The following PITPNA variants were observed in gnomAD, a reference collection of about 807,000 sequenced individuals.
The protein encoded by PITPNA is phosphatidylinositol transfer protein alpha, also known as phosphatidylinositol transfer protein alpha isoform.
In PITPNA, 13 loss-of-function variants were observed where a neutral mutation model predicts 50.3. The observed-to-expected ratio is 0.26, with a 90% CI of 0.17 to 0.41. The LOEUF (loss-of-function observed/expected upper bound fraction) is 0.41. Among genes scored for constraint, PITPNA ranks in the 10% least tolerant of loss-of-function variants. The pLI is 1.00. For missense variants in PITPNA, 207 were observed against 333.4 expected (o/e 0.62, Z 2.95); for synonymous variants, 120 against 119.6 (o/e 1.00, Z -0.02).
At chr17:1,545,760 G>A (rs187440533) in intron 4 of PITPNA, among the ~76,000 whole-genome samples, 208 of 152,012 alleles carry the variant, frequency 1.4e-3, no homozygotes, top group African/African-American at 4.8e-3. Context: ...CAGAGAACAG[G>A]GGCATCTCTC....
intron 5 of PITPNA, among the ~76,000 whole-genome samples, chr17:1,541,923 G>A (rs1266689855): frequency 6.6e-6 from 1 of 152,202 alleles, no homozygotes; most frequent in Non-Finnish European, 1.5e-5. Flanking sequence ...GATCGGGCCA[G>A]GCATGGTGGC....
At chr17:1,551,695 C>T (rs2075710200) in intron 3 of PITPNA, among the ~76,000 whole-genome samples, 1 of 152,242 alleles carries the variant, frequency 6.6e-6, no homozygotes, top group African/African-American at 2.4e-5. Context: ...AAAATACCAA[C>T]TTCACCATCT....
chr17:1,541,449 C>A, intron 6 of PITPNA, 117 bp downstream of exon 6: 1 of 758,192 alleles, frequency 1.3e-6, no homozygotes. Flanking sequence ...GCAGAGGCCA[C>A]TGCCTTCCCG....
chr17:1,548,296 C>T lies in PITPNA; in HGVS notation c.289G>A (p.Val97Ile), dbSNP rs2151011316. Residue 97 changes from valine (V) to isoleucine (I), a missense_variant and splice_region_variant, in exon 4 of 12, where the codon GTT becomes ATT. Coordinates refer to ENST00000313486, the MANE Select transcript of PITPNA (RefSeq NM_006224.4). ...AWNAYPYCRT[V>I]ITNEYMKEDF... ...CCGACGTGGCCCCGGCTGCACTCAC[C>T]GGTTCTGCAGTAGGGGTAAGCATTC... The T allele has an allele frequency of 1.9e-6, 3 of 1,601,246 alleles. No individual in the cohort carries two copies. Among genetic ancestry groups the T allele is most frequent in the Non-Finnish European group, 2.6e-6 (3 of 1,172,804 alleles).
chr17:1,518,812 G>A lies in PITPNA; in HGVS notation c.*1749C>T, dbSNP rs918993833. ...ATGAATAGCTAACACAGAGCTTATA[G>A]GAAAACACTGACATTTTTCTCCAGT... is the stretch of plus-strand genomic sequence containing the variant. On this transcript the variant is annotated 3_prime_UTR_variant, in exon 12 of 12. Coordinates refer to ENST00000313486, the MANE Select transcript of PITPNA (RefSeq NM_006224.4). The A allele has an allele frequency of 4.6e-5, 7 of 152,228 alleles. No individual in the cohort carries two copies. Among genetic ancestry groups the A allele is most frequent in the Non-Finnish European group, 7.3e-5 (5 of 68,034 alleles). The allele number at this position is 152,228 out of a possible 1,614,324, so 9.4% of individuals were successfully genotyped here. A position where few individuals can be genotyped will look rare whatever the true frequency, so the allele number is the denominator to read the frequency against.
At chr17:1,527,545 GTTTGTT>G (rs1044031422) in intron 10 of PITPNA, among the ~76,000 whole-genome samples, 2 of 152,050 alleles carry the variant, frequency 1.3e-5, no homozygotes, top group Admixed American at 6.5e-5. Flanking sequence ...CCCAGCCCTG[GTTTGTT>G]TTTGTTTTTA....
chr17:1,534,336 A>T, intron 9 of PITPNA, 115 bp from the exon 10 acceptor site: 1 of 1,303,998 alleles, frequency 7.7e-7, no homozygotes, highest in Non-Finnish European at 1.1e-6. Flanking sequence ...GGCGGACAGG[A>T]GGAGGAGTAA....
At chr17:1,560,172 A>T (rs2075760728) in intron 1 of PITPNA, among the ~76,000 whole-genome samples, 1 of 152,198 alleles carries the variant, frequency 6.6e-6, no homozygotes, top group Non-Finnish European at 1.5e-5. Flanking sequence ...TCCTGACGGG[A>T]TGCGCTGAGG....
At chr17:1,540,690 G>A (rs1310166697) in intron 6 of PITPNA, among the ~76,000 whole-genome samples, 1 of 151,424 alleles carries the variant, frequency 6.6e-6, no homozygotes, top group Admixed American at 6.6e-5. Context: ...CCGGGTTCAC[G>A]CCATTCTCCT....
chr17:1,552,927 T>G, intron 3 of PITPNA, 77 bp downstream of exon 3: 1 of 1,443,934 alleles, frequency 6.9e-7, no homozygotes, highest in South Asian at 1.2e-5. Context: ...CCCATCTATA[T>G]AAAACAATAA....
rs1013569497 is a variant in PITPNA at position 1,519,034 on chromosome 17, C to A, written c.*1527G>T. 3 of 152,232 alleles carry A rather than the reference C, an allele frequency of 2.0e-5. No homozygotes were observed. Among genetic ancestry groups the A allele is most frequent in the African/African-American group, 7.2e-5 (3 of 41,446 alleles). The allele number at this position is 152,232 out of a possible 1,614,324, so 9.4% of individuals were successfully genotyped here. ...TGCTGGGGGTCTGAGTCTGTCCACCCTTGCCCCAGGAGGGCCACAGGGAAG... is the reference window on the plus strand; with the variant it reads ...TGCTGGGGGTCTGAGTCTGTCCACCATTGCCCCAGGAGGGCCACAGGGAAG... On this transcript the variant is annotated 3_prime_UTR_variant, in exon 12 of 12. Transcript: ENST00000313486.
intron 7 of PITPNA, 38 bp from the exon 8 acceptor site, chr17:1,535,556 GGAGAGGGAGTGA>G: frequency 1.5e-6 from 2 of 1,314,014 alleles, no homozygotes; most frequent in African/African-American, 1.4e-5. Context: ...GAGGGGAGTG[GGAGAGGGAGTGA>G]GAGATGGGGA....
intron 10 of PITPNA, among the ~76,000 whole-genome samples, chr17:1,521,861 T>C (rs1337751470): frequency 6.6e-6 from 1 of 150,420 alleles, no homozygotes; most frequent in Non-Finnish European, 1.5e-5. Context: ...CGTGTCACGG[T>C]GTTTGAAGCA....
At chr17:1,549,954 C>T (rs56142514) in intron 3 of PITPNA, among the ~76,000 whole-genome samples, 22,733 of 152,166 alleles carry the variant, frequency 0.15, 2,153 homozygotes, top group South Asian at 0.3. Flanking sequence ...GGATTACAGG[C>T]GTGAGCCACC....
chr17:1,551,129 C>T (rs1003274942), intron 3 of PITPNA, among the ~76,000 whole-genome samples: 2 of 151,554 alleles, frequency 1.3e-5, no homozygotes, highest in Admixed American at 1.3e-4. Flanking sequence ...GCGGAGTCAG[C>T]GGGGCCTGAT....
chr17:1,538,834 C>G, intron 7 of PITPNA, 35 bp downstream of exon 7: 1 of 1,401,924 alleles, frequency 7.1e-7, no homozygotes. Flanking sequence ...ATTTCTGCGT[C>G]TCGAAGGCCA....
intron 10 of PITPNA, among the ~76,000 whole-genome samples, chr17:1,531,063 G>C (rs1018062016): frequency 1.3e-5 from 2 of 152,192 alleles, no homozygotes; most frequent in South Asian, 2.1e-4. Flanking sequence ...CAAAAGCCAG[G>C]AGGTTCACTC....
At chr17:1,536,488 A>C (rs901100801) in intron 7 of PITPNA, among the ~76,000 whole-genome samples, 5 of 152,044 alleles carry the variant, frequency 3.3e-5, no homozygotes, top group East Asian at 3.9e-4. Context: ...ACGGGGTTTC[A>C]CCGTGTTAGC....
At position 1,546,120 on chromosome 17, in the gene PITPNA, G is replaced by T. The variant is rs143038815; in HGVS notation, c.289+2176C>A. The stretch of plus-strand genomic sequence containing the variant: ...CTTTTTGTATTTTTAGTAGAAACGG[G>T]GTTTCACCAAGTTAGCCAGGCCGGT... On this transcript the variant is annotated intron_variant, in intron 4 of 11. Coordinates refer to ENST00000313486, the MANE Select transcript of PITPNA (RefSeq NM_006224.4). Among the ~76,000 whole-genome samples the T allele has an allele frequency of 5.9e-3, 899 of 151,808 alleles. 10 individuals carry two copies. Among genetic ancestry groups the T allele is most frequent in the African/African-American group, 0.021 (863 of 41,366 alleles).
Sources: allele counts gnomAD v4.1 joint callset (sites outside exome capture counted in the v4.1 genomes callset), GRCh38; gene constraint gnomAD v4.1.1; transcripts MANE v1.5; gene names NCBI Gene and HGNC (gene_info 2026-07-23, HGNC 2026-07-21).